The following VIT variants were observed in gnomAD, a reference collection of about 807,000 sequenced individuals.
VIT encodes the protein vitrin.
VIT carries 99 observed loss-of-function variants against 78.0 expected under a neutral mutation model. That is an observed-to-expected ratio of 1.27 (90% confidence interval 1.08 to 1.50). VIT has a LOEUF of 1.50. Among genes scored for constraint, VIT ranks in the 40% most tolerant of loss-of-function variants. VIT has a pLI of 0.00. For synonymous variants in VIT, 374 were observed against 334.3 expected, an observed-to-expected ratio of 1.12 and a Z score of -1.29; for missense variants, 1,126 against 875.3, an observed-to-expected ratio of 1.29 and a Z score of -3.61.
At chr2:36,808,118 C>T (rs780854932) in intron 14 of VIT, among the ~76,000 whole-genome samples, 7 of 152,214 alleles carry the variant, frequency 4.6e-5, no homozygotes, top group Non-Finnish European at 1.0e-4. Flanking sequence ...ATGGTACCCA[C>T]GAATTCCAAT....
At chr2:36,800,414 C>T (rs1462509863) in intron 12 of VIT, among the ~76,000 whole-genome samples, 1 of 152,174 alleles carries the variant, frequency 6.6e-6, no homozygotes, top group South Asian at 2.1e-4. Flanking sequence ...TGCAGGGCAG[C>T]TTGTTCAAAA....
At position 36,749,722 on chromosome 2, in the gene VIT, C is replaced by G. The variant is rs145711841; in HGVS notation, c.276-5199C>G. On this transcript the variant is annotated intron_variant, in intron 4 of 15. Coordinates refer to ENST00000379242, the MANE Select transcript of VIT (RefSeq NM_053276.4). Reference sequence around the variant, plus strand: ...TGCCCAGGACAGCTTTGAGATGTGACTCGGGAGTCGATACTTGGCTACTGG... The same window carrying G: ...TGCCCAGGACAGCTTTGAGATGTGAGTCGGGAGTCGATACTTGGCTACTGG... Among the ~76,000 whole-genome samples the G allele has an allele frequency of 2.0e-3, 304 of 152,326 alleles. 2 individuals carry two copies. Among genetic ancestry groups the G allele is most frequent in the South Asian group, 5.8e-3 (28 of 4,830 alleles).
chr2:36,700,440 C>A (rs1300409991), intron 1 of VIT, among the ~76,000 whole-genome samples: 1 of 151,960 alleles, frequency 6.6e-6, no homozygotes, highest in African/African-American at 2.4e-5. Context: ...ATCACCCCAA[C>A]AACAACAACA....
chr2:36,787,861 C>G (rs773043235), intron 12 of VIT: 3 of 455,622 alleles, frequency 6.6e-6, no homozygotes, highest in Non-Finnish European at 1.3e-5. Flanking sequence ...CGGCCCCCAT[C>G]AGTCAGCTGA....
At chr2:36,809,673 C>G (rs1667008121) in intron 15 of VIT, among the ~76,000 whole-genome samples, 1 of 152,178 alleles carries the variant, frequency 6.6e-6, no homozygotes, top group South Asian at 2.1e-4. Flanking sequence ...CCTTGGCCTC[C>G]CAAAGTGCCA....
chr2:36,796,093 A>T (rs1665878027), intron 12 of VIT, among the ~76,000 whole-genome samples: 1 of 138,436 alleles, frequency 7.2e-6, no homozygotes, highest in Non-Finnish European at 1.5e-5. Context: ...TTACGAATTC[A>T]TGAGATCATG....
chr2:36,781,070 C>T (rs968931610), intron 9 of VIT, among the ~76,000 whole-genome samples: 6 of 152,184 alleles, frequency 3.9e-5, no homozygotes, highest in African/African-American at 1.4e-4. Flanking sequence ...GCATACAGGT[C>T]CAGGTGCTAC....
At chr2:36,745,632 G>C (rs191689433) in intron 4 of VIT, among the ~76,000 whole-genome samples, 2 of 152,210 alleles carry the variant, frequency 1.3e-5, no homozygotes, top group African/African-American at 2.4e-5. Flanking sequence ...ATACAGAAAT[G>C]CTACTGATTT....
chr2:36,711,050 A>G (rs544408471), intron 1 of VIT, among the ~76,000 whole-genome samples: 1 of 152,212 alleles, frequency 6.6e-6, no homozygotes, highest in South Asian at 2.1e-4. Context: ...CCAGTCCTCC[A>G]CATCCTCACC....
chr2:36,808,454 C>G lies in VIT; in HGVS notation c.1390-18C>G. On this transcript the variant is annotated intron_variant, in intron 14 of 15. Coordinates refer to ENST00000379242, the MANE Select transcript of VIT (RefSeq NM_053276.4). ...TTTGACCCTGACGTGGCGTGGGTCC[C>G]TCCCCTCTGTCTTCTAGGCCGTGTG... 6.3e-7 allele frequency: 1 copy of G among 1,586,134 alleles called. No homozygotes were observed. The highest frequency in any genetic ancestry group is 8.6e-7 in the Non-Finnish European group (1 of 1,161,262).
At chr2:36,744,650 T>C (rs921359467) in intron 4 of VIT, among the ~76,000 whole-genome samples, 1 of 152,178 alleles carries the variant, frequency 6.6e-6, no homozygotes, top group Non-Finnish European at 1.5e-5. Context: ...TTGTGTCCTT[T>C]GCCCACTTTT....
chr2:36,767,334 G>A (rs768314059), intron 7 of VIT, 49 bp downstream of exon 7: 19 of 1,435,274 alleles, frequency 1.3e-5, no homozygotes, highest in Non-Finnish European at 1.7e-5. Context: ...ATGGGAAATT[G>A]GGCTTTTAGA....
At chr2:36,787,008 C>T in intron 11 of VIT, 121 bp from the exon 12 acceptor site, 1 of 1,276,702 alleles carries the variant, frequency 7.8e-7, no homozygotes, top group Non-Finnish European at 1.1e-6. Context: ...CATCTTCCTA[C>T]CTCTTTTTCC....
intron 3 of VIT, 48 bp from the exon 4 acceptor site, chr2:36,743,052 T>C: frequency 6.2e-7 from 1 of 1,607,204 alleles, no homozygotes; most frequent in Non-Finnish European, 8.5e-7. Context: ...ACCCCACAGA[T>C]AAACTAATAG....
intron 14 of VIT, 131 bp from the exon 15 acceptor site, chr2:36,808,341 C>A (rs1453554966): frequency 1.6e-6 from 2 of 1,280,900 alleles, no homozygotes; most frequent in African/African-American, 1.5e-5. Context: ...GATGGAAGAA[C>A]ACGGTAGGAG....
intron 6 of VIT, among the ~76,000 whole-genome samples, chr2:36,759,993 C>CT (rs879361858): frequency 2.2e-3 from 215 of 98,296 alleles, no homozygotes; most frequent in Middle Eastern, 5.6e-3. Flanking sequence ...TTTTCTTTCT[C>CT]TTTTTTTTTT....
chr2:36,807,693 G>A lies in VIT; in HGVS notation c.1390-779G>A, dbSNP rs576230587. On this transcript the variant is annotated intron_variant, in intron 14 of 15. Coordinates refer to ENST00000379242, the MANE Select transcript of VIT (RefSeq NM_053276.4). Reference sequence around the variant, plus strand: ...TGGGAACATTATACCAGCCACTTCCGGGAGCGCAACAATCAGTTTGCTCAA... The same window carrying A: ...TGGGAACATTATACCAGCCACTTCCAGGAGCGCAACAATCAGTTTGCTCAA... Among the ~76,000 whole-genome samples, 58 of 152,282 alleles carry A rather than the reference G, an allele frequency of 3.8e-4. 1 individual carries two copies. Among genetic ancestry groups the A allele is most frequent in the South Asian group, 3.1e-3 (15 of 4,826 alleles).
chr2:36,714,338 T>C (rs1346861911), intron 1 of VIT, among the ~76,000 whole-genome samples: 1 of 152,208 alleles, frequency 6.6e-6, no homozygotes, highest in African/African-American at 2.4e-5. Context: ...GGTGATTATC[T>C]GTTTCTAGAT....
Position 36,808,697 on chromosome 2 carries a change from G to A in VIT, c.1615G>A (p.Glu539Lys). ...VLQFVTNLTK[E>K]FEISDTDTRI... The stretch of plus-strand genomic sequence containing the variant: ...CCAGTTTGTGACCAACCTCACCAAA[G>A]AGTTTGAGATTTCCGACACGGACAC... The change falls in exon 15 of 16, where the codon GAG (glutamate) becomes AAG (lysine). Residue 539 changes from glutamate (E) to lysine (K), a missense_variant. By Grantham distance (56) the Glu-to-Lys change is moderately conservative. Transcript: ENST00000379242. The A allele has an allele frequency of 6.2e-7, 1 of 1,614,212 alleles. No individual in the cohort carries two copies. Among genetic ancestry groups the A allele is most frequent in the Non-Finnish European group, 8.5e-7 (1 of 1,180,032 alleles).
Sources: allele counts gnomAD v4.1 joint callset (sites outside exome capture counted in the v4.1 genomes callset), GRCh38; gene constraint gnomAD v4.1.1; transcripts MANE v1.5; gene names NCBI Gene and HGNC (gene_info 2026-07-23, HGNC 2026-07-21).